The following APBB1IP variants were observed in gnomAD, a reference collection of about 807,000 sequenced individuals.
The protein encoded by APBB1IP is amyloid beta precursor protein binding family B member 1 interacting protein, also known as amyloid beta A4 precursor protein-binding family B member 1-interacting protein.
Under a neutral mutation model 64.9 loss-of-function variants are expected in APBB1IP, and 27 were observed. That is an observed-to-expected ratio of 0.42 (90% CI 0.31 to 0.57). The LOEUF is 0.57. Among genes scored for constraint, APBB1IP ranks in the 20% least tolerant of loss-of-function variants. The pLI, the probability that APBB1IP is intolerant of heterozygous loss-of-function variation, is 0.20. For synonymous variants in APBB1IP, 392 were observed against 331.0 expected (o/e 1.18, Z -2.00); for missense variants, 812 against 845.5 (o/e 0.96, Z 0.49).
At chr10:26,551,486 A>G (rs1265619563) in intron 11 of APBB1IP, among the ~76,000 whole-genome samples, 2 of 152,194 alleles carry the variant, frequency 1.3e-5, no homozygotes, top group African/African-American at 2.4e-5. Flanking sequence ...CTTAGCCCTC[A>G]TAAAGGCACT....
In APBB1IP at chr10:26,517,631, A is replaced by T. The variant is rs535406454; in HGVS notation, c.813+3971A>T. ...AGTTTTGTTTTTGTTTTTTTGAGAG[A>T]CAGGCTCTCACCATGTTGCCCGGGT... is the stretch of plus-strand genomic sequence containing the variant. On this transcript the variant is annotated intron_variant, in intron 8 of 14. Transcript: ENST00000376236. 9.3e-4 allele frequency among the ~76,000 whole-genome samples: 141 copies of T among 152,266 alleles called. 1 individual carries two copies. The highest frequency in any genetic ancestry group is 3.3e-3 in the African/African-American group (138 of 41,562).
chr10:26,443,523 T>A (rs955631087), intron 2 of APBB1IP, among the ~76,000 whole-genome samples: 5 of 139,600 alleles, frequency 3.6e-5, no homozygotes, highest in African/African-American at 1.1e-4. Flanking sequence ...ACTTAGGAAG[T>A]CATCTCCACT....
At chr10:26,554,153 C>A (rs1335265196) in intron 11 of APBB1IP, among the ~76,000 whole-genome samples, 5 of 152,202 alleles carry the variant, frequency 3.3e-5, no homozygotes, top group African/African-American at 9.7e-5. Flanking sequence ...ATTTCCTCCA[C>A]CCCCTGCTTT....
intron 2 of APBB1IP, among the ~76,000 whole-genome samples, chr10:26,453,652 A>G (rs1835489465): frequency 6.6e-6 from 1 of 152,150 alleles, no homozygotes. Context: ...GGGCTATAGC[A>G]CAGACTCTAG....
At chr10:26,486,916 G>A (rs954061798) in intron 2 of APBB1IP, among the ~76,000 whole-genome samples, 5 of 152,200 alleles carry the variant, frequency 3.3e-5, no homozygotes, top group East Asian at 1.9e-4. Context: ...CTGGACAAGC[G>A]GCTTCAACCA....
At chr10:26,523,010 CA>C (rs35641109) in intron 8 of APBB1IP, among the ~76,000 whole-genome samples, 10,208 of 64,682 alleles carry the variant, frequency 0.16, 275 homozygotes, top group East Asian at 0.25. Flanking sequence ...ACTCCATCTC[CA>C]AAAAAAAAAA....
chr10:26,542,162 T>A (rs1434754050), intron 11 of APBB1IP, among the ~76,000 whole-genome samples: 1 of 152,088 alleles, frequency 6.6e-6, no homozygotes, highest in Non-Finnish European at 1.5e-5. Flanking sequence ...TTAGATATGG[T>A]TTACATTTTT....
intron 5 of APBB1IP, 77 bp downstream of exon 5, chr10:26,501,188 A>G (rs1564362179): frequency 6.3e-7 from 1 of 1,582,208 alleles, no homozygotes; most frequent in Non-Finnish European, 8.7e-7. Flanking sequence ...AGTGATCATT[A>G]CATTCCTAAG....
At chr10:26,445,050 A>T (rs1306915641) in intron 2 of APBB1IP, among the ~76,000 whole-genome samples, 1 of 151,102 alleles carries the variant, frequency 6.6e-6, no homozygotes, top group Non-Finnish European at 1.5e-5. Context: ...GTGAGCCAAG[A>T]TCATGCCACT....
At chr10:26,459,153 T>C (rs955640918) in intron 2 of APBB1IP, among the ~76,000 whole-genome samples, 19 of 140,508 alleles carry the variant, frequency 1.4e-4, no homozygotes, top group African/African-American at 4.5e-4. Context: ...TGTGTTCTCA[T>C]TGTTCAATTC....
At chr10:26,447,549 C>T (rs11015114) in intron 2 of APBB1IP, among the ~76,000 whole-genome samples, 54,308 of 151,836 alleles carry the variant, frequency 0.36, 9,782 homozygotes, top group South Asian at 0.5. Flanking sequence ...ATTCAGATTA[C>T]ATTAATGTGA....
At chr10:26,445,478 T>C (rs993785859) in intron 2 of APBB1IP, among the ~76,000 whole-genome samples, 2 of 127,734 alleles carry the variant, frequency 1.6e-5, no homozygotes. Context: ...CTCAAACTCC[T>C]GGGCTCAAGT....
intron 2 of APBB1IP, among the ~76,000 whole-genome samples, chr10:26,487,686 C>G (rs1033662896): frequency 1.3e-5 from 2 of 152,160 alleles, no homozygotes; most frequent in Non-Finnish European, 2.9e-5. Flanking sequence ...GTGGATGATT[C>G]ACTGTGGCAC....
At chr10:26,446,062 G>A (rs10828999) in intron 2 of APBB1IP, among the ~76,000 whole-genome samples, 59,012 of 152,056 alleles carry the variant, frequency 0.39, 11,645 homozygotes, top group South Asian at 0.49. Flanking sequence ...TTTCACCTCA[G>A]AAAGAAAAGA....
chr10:26,484,119 G>C (rs1395322926), intron 2 of APBB1IP, among the ~76,000 whole-genome samples: 1 of 152,250 alleles, frequency 6.6e-6, no homozygotes, highest in Middle Eastern at 3.4e-3. Context: ...ATATAAGAAA[G>C]CAGGGTTTTG....
In APBB1IP at chr10:26,492,335, G is replaced by A. The variant is rs2132430403; in HGVS notation, c.9G>A (p.Glu3=). 3.1e-6 allele frequency: 5 copies of A among 1,613,972 alleles called. No individual in the cohort carries two copies. The highest frequency in any genetic ancestry group is 4.5e-5 in the East Asian group (2 of 44,876). MG[E]SSEDIDQMFS... The stretch of plus-strand genomic sequence containing the variant: ...GTTTCTTCCTTTTTCAGATGGGTGA[G>A]TCAAGTGAAGACATAGACCAAATGT... The change falls in exon 3 of 15, where the codon GAG becomes GAA. Residue 3 remains glutamate (E), a synonymous_variant. Transcript: ENST00000376236.
At chr10:26,441,210 A>C (rs537646040) in intron 2 of APBB1IP, among the ~76,000 whole-genome samples, 30 of 152,346 alleles carry the variant, frequency 2.0e-4, no homozygotes, top group African/African-American at 7.0e-4. Context: ...ATTTATTATA[A>C]ATTCATGTAC....
At chr10:26,486,693 A>G (rs1363079513) in intron 2 of APBB1IP, among the ~76,000 whole-genome samples, 7 of 152,148 alleles carry the variant, frequency 4.6e-5, no homozygotes, top group Non-Finnish European at 1.5e-5. Context: ...ACTGAGTTAA[A>G]TGTGTGAGAT....
intron 2 of APBB1IP, among the ~76,000 whole-genome samples, chr10:26,471,813 T>C (rs756611457): frequency 7.9e-5 from 12 of 152,092 alleles, no homozygotes; most frequent in Non-Finnish European, 1.8e-4. Flanking sequence ...GCCTCCCAAA[T>C]AGCTAGGATG....
Sources: allele counts gnomAD v4.1 joint callset (sites outside exome capture counted in the v4.1 genomes callset), GRCh38; gene constraint gnomAD v4.1.1; transcripts MANE v1.5; gene names NCBI Gene and HGNC (gene_info 2026-07-23, HGNC 2026-07-21).